The following POLR3A variants were observed in gnomAD, a reference collection of about 807,000 sequenced individuals.
POLR3A encodes the protein RNA polymerase III subunit A.
In POLR3A, 112 loss-of-function variants were observed where a neutral mutation model predicts 152.8. The observed-to-expected ratio is 0.73, with a 90% confidence interval of 0.63 to 0.86. The LOEUF is 0.86. Ranked by LOEUF, POLR3A falls within the 40% of genes least tolerant of loss-of-function variation. The pLI, the probability that POLR3A is intolerant of heterozygous loss-of-function variation, is 0.00. For missense variants in POLR3A, 1,385 were observed against 1,743.1 expected (o/e 0.79, Z 3.66); for synonymous variants, 615 against 652.1 (o/e 0.94, Z 0.87).
At chr10:78,011,459 G>C (rs1006043496) in intron 11 of POLR3A, among the ~76,000 whole-genome samples, 9 of 152,192 alleles carry the variant, frequency 5.9e-5, no homozygotes, top group Admixed American at 1.3e-4. Flanking sequence ...ATGCACATGT[G>C]TATTTGTGGG....
At chr10:78,009,152 CAAAAAA>C (rs59670962) in intron 14 of POLR3A, among the ~76,000 whole-genome samples, 6 of 33,000 alleles carry the variant, frequency 1.8e-4, no homozygotes, top group South Asian at 1.2e-3. Flanking sequence ...GACTTAGTCT[CAAAAAA>C]AAAAAAAAAA....
At chr10:78,022,462 GT>G (rs1564623293) in intron 5 of POLR3A, 78 bp from the exon 6 acceptor site, 1 of 1,454,874 alleles carries the variant, frequency 6.9e-7, no homozygotes, top group Non-Finnish European at 9.5e-7. Context: ...CCTTCACTAT[GT>G]TTTCTAACCT....
Position 78,009,548 on chromosome 10 carries a change from GCA to G in POLR3A, c.1896_1897del (p.Ala633GlnfsTer2), listed in dbSNP as rs1847443896. On this transcript the variant is annotated frameshift_variant, in exon 14 of 31. Transcript: ENST00000372371. LOFTEE classifies it high-confidence loss of function. The stretch of plus-strand genomic sequence containing the variant: ...TTCCGTCCACTCACAGGAATCATTG[GCA>G]CAGAGATCTTCCCCTTTGCCACAGT... The G allele has an allele frequency of 6.2e-7, 1 of 1,614,050 alleles. No homozygotes were observed. Among genetic ancestry groups the G allele is most frequent in the Non-Finnish European group, 8.5e-7 (1 of 1,180,046 alleles).
rs766536412 is a variant in POLR3A at position 78,021,684 on chromosome 10, TA to T, written c.1049-3del. ...CTGAGAGATTTCCTCTAAATCGACC[TA>T]AATAGCCAAAAACATGTCATAGGTC... On this transcript the variant is annotated splice_polypyrimidine_tract_variant and splice_region_variant and intron_variant, in intron 7 of 30. Transcript: ENST00000372371. The T allele has an allele frequency of 2.5e-6, 4 of 1,614,084 alleles. No homozygotes were observed. The South Asian group carries it at 4.4e-5, about 18-fold the overall frequency.
intron 26 of POLR3A, among the ~76,000 whole-genome samples, chr10:77,983,390 C>G (rs540844163): frequency 3.3e-5 from 5 of 152,268 alleles, no homozygotes; most frequent in African/African-American, 1.2e-4. Context: ...TTTAACTACC[C>G]GAGAGAAAGA....
chr10:78,020,527 A>G (rs890433013), intron 8 of POLR3A, among the ~76,000 whole-genome samples: 14 of 150,652 alleles, frequency 9.3e-5, no homozygotes, highest in South Asian at 2.1e-4. Context: ...GGTGGCTCAT[A>G]CCTGTAATCC....
chr10:77,992,628 A>G (rs1847260689), intron 20 of POLR3A, among the ~76,000 whole-genome samples: 1 of 151,866 alleles, frequency 6.6e-6, no homozygotes, highest in Admixed American at 6.6e-5. Context: ...TCTTTAGTAG[A>G]GATGGGGTTT....
At chr10:77,998,612 C>T (rs1847325752) in intron 19 of POLR3A, among the ~76,000 whole-genome samples, 1 of 152,202 alleles carries the variant, frequency 6.6e-6, no homozygotes, top group Non-Finnish European at 1.5e-5. Context: ...TACCGTCTCA[C>T]ACCAGTTAGA....
At chr10:77,988,790 TC>T (rs1847221386) in intron 21 of POLR3A, among the ~76,000 whole-genome samples, 1 of 152,166 alleles carries the variant, frequency 6.6e-6, no homozygotes, top group African/African-American at 2.4e-5. Flanking sequence ...AGTGGCTGGG[TC>T]CTTTTGAGAA....
chr10:78,020,390 T>G (rs1847567273), intron 8 of POLR3A, among the ~76,000 whole-genome samples: 1 of 151,852 alleles, frequency 6.6e-6, no homozygotes, highest in Admixed American at 6.6e-5. Flanking sequence ...CTCGGGAGGC[T>G]GAGGCATAAG....
At chr10:77,986,287 A>G in intron 21 of POLR3A, 128 bp from the exon 22 acceptor site, 1 of 723,356 alleles carries the variant, frequency 1.4e-6, no homozygotes. Context: ...TATATAGTAT[A>G]AAGGACCCAA....
At chr10:78,017,525 T>A in intron 10 of POLR3A, 50 bp downstream of exon 10, 1 of 1,593,200 alleles carries the variant, frequency 6.3e-7, no homozygotes, top group Non-Finnish European at 8.6e-7. Flanking sequence ...CACTGAACAG[T>A]CATGGCAAAT....
chr10:78,000,881 G>T, intron 18 of POLR3A, 95 bp downstream of exon 18: 1 of 734,018 alleles, frequency 1.4e-6, no homozygotes, highest in Non-Finnish European at 2.5e-6. Context: ...ACATGAAATT[G>T]GCCAACGGTC....
chr10:78,021,859 C>T lies in POLR3A; in HGVS notation c.1048+1G>A, dbSNP rs2131958310. 2 of 1,613,594 alleles carry T rather than the reference C, an allele frequency of 1.2e-6. No individual in the cohort carries two copies. Among genetic ancestry groups the T allele is most frequent in the Non-Finnish European group, 1.7e-6 (2 of 1,180,022 alleles). On this transcript the variant is annotated splice_donor_variant, in intron 7 of 30. Transcript: ENST00000372371. LOFTEE classifies it high-confidence loss of function. ...TTCTGCACATCTTGTGGGAAACCTA[C>T]CCTGTTTTCCCTTCAGGCGTTGGAC...
intron 30 of POLR3A, 37 bp from the exon 31 acceptor site, chr10:77,977,663 A>C: frequency 6.3e-7 from 1 of 1,575,930 alleles, no homozygotes; most frequent in Non-Finnish European, 8.7e-7. Flanking sequence ...AGAGCCTCTA[A>C]ACACAAGGTA....
Position 77,982,169 on chromosome 10 carries a change from G to A in POLR3A, c.3744C>T (p.Ser1248=). ...THGVKGTRTT[S]NNTYEVEKTL... is the part of the protein sequence containing the mutation. ...TGAGTGGTACCTCATAGGTGTTATTGGAGGTGGTTCGGGTGCCCTTCACAC... is the reference window on the plus strand; with the variant it reads ...TGAGTGGTACCTCATAGGTGTTATTAGAGGTGGTTCGGGTGCCCTTCACAC... Residue 1248 remains serine, a synonymous_variant, in exon 28 of 31, where the codon TCC becomes TCT. Coordinates refer to ENST00000372371, the MANE Select transcript of POLR3A (RefSeq NM_007055.4). 1 of 1,613,686 alleles carries A rather than the reference G, an allele frequency of 6.2e-7. No individual in the cohort carries two copies. Among genetic ancestry groups the A allele is most frequent in the Non-Finnish European group, 8.5e-7 (1 of 1,179,862 alleles).
In POLR3A at chr10:78,029,358, T is replaced by G; in HGVS notation, c.44+6A>C. On this transcript the variant is annotated splice_donor_region_variant and intron_variant, in intron 1 of 30. Coordinates refer to ENST00000372371, the MANE Select transcript of POLR3A (RefSeq NM_007055.4). ...CAGCCCTTTGGCCACTCTTACTCCG[T>G]CTTACATTTTCTTGGCCACATCCGT... The G allele has an allele frequency of 6.2e-7, 1 of 1,614,022 alleles. No individual in the cohort carries two copies. The highest frequency in any genetic ancestry group is 8.5e-7 in the Non-Finnish European group (1 of 1,179,994).
intron 21 of POLR3A, among the ~76,000 whole-genome samples, chr10:77,987,940 C>A (rs1038773415): frequency 1.3e-5 from 2 of 152,236 alleles, no homozygotes; most frequent in Non-Finnish European, 2.9e-5. Context: ...GGCAACCAAC[C>A]ACTCCACGAA....
chr10:77,977,410 A>C lies in POLR3A; in HGVS notation c.*68T>G, dbSNP rs896661034. 2.6e-6 allele frequency: 4 copies of C among 1,566,138 alleles called. No homozygotes were observed. In the African/African-American group the frequency reaches 4.1e-5, roughly 16 times the overall value. On this transcript the variant is annotated 3_prime_UTR_variant, in exon 31 of 31. Coordinates refer to ENST00000372371, the MANE Select transcript of POLR3A (RefSeq NM_007055.4). ...GGACCCCCGTCCCAGGGAGCACAAA[A>C]CTCTTTATACATCAGCTGGAGACAG...
Sources: allele counts gnomAD v4.1 joint callset (sites outside exome capture counted in the v4.1 genomes callset), GRCh38; gene constraint gnomAD v4.1.1; transcripts MANE v1.5; gene names NCBI Gene and HGNC (gene_info 2026-07-23, HGNC 2026-07-21).